SEC24C: variants seen among roughly 807,000 people sequenced by gnomAD.
The protein encoded by SEC24C is protein transport protein Sec24C.
Under a neutral mutation model 117.0 loss-of-function variants are expected in SEC24C, and 22 were observed. That is an observed-to-expected ratio of 0.19 (90% CI 0.13 to 0.27). The LOEUF is 0.27. Among genes scored for constraint, SEC24C ranks in the 10% least tolerant of loss-of-function variants. The probability of loss-of-function intolerance (pLI) is 1.00; values close to 1 mark genes in which losing one functional copy is unlikely to be tolerated. For synonymous variants in SEC24C, 506 were observed against 529.4 expected (o/e 0.96, Z 0.61); for missense variants, 1,155 against 1,375.1 (o/e 0.84, Z 2.53).
chr10:73,752,120 A>T (rs1056223463), intron 3 of SEC24C: 1 of 149,646 alleles, frequency 6.7e-6, no homozygotes, highest in Non-Finnish European at 1.5e-5. Context: ...GCTTTTTAAA[A>T]TTTTTTAATT....
Position 73,767,912 on chromosome 10 carries a change from C to G in SEC24C, c.2086C>G (p.Leu696Val). The G allele has an allele frequency of 1.2e-6, 2 of 1,613,660 alleles. No individual in the cohort carries two copies. Among genetic ancestry groups the G allele is most frequent in the Middle Eastern group, 3.4e-4 (2 of 5,964 alleles). Residue 696 changes from leucine to valine, a missense_variant, in exon 15 of 23, where the codon CTC becomes GTC. Physicochemically the swap from Leu to Val is conservative, Grantham distance 32 (BLOSUM62 1). Transcript: ENST00000345254. ...ECVAQGCCVDLFLFPNQYVDV... is the reference protein window; with the variant it reads ...ECVAQGCCVDVFLFPNQYVDV... ...TGTGGCCCAAGGCTGCTGTGTAGAT[C>G]TCTTTCTCTTCCCTAACCAGTATGT...
chr10:73,764,762 C>G (rs929839601), intron 8 of SEC24C, among the ~76,000 whole-genome samples: 2 of 152,232 alleles, frequency 1.3e-5, no homozygotes, highest in Admixed American at 6.5e-5. Context: ...ACCCCAGTAC[C>G]TGATACCAGC....
At chr10:73,763,636 TTTC>T (rs772866164) in intron 7 of SEC24C, 35 bp downstream of exon 7, 2 of 1,290,590 alleles carry the variant, frequency 1.5e-6, no homozygotes, top group Non-Finnish European at 2.2e-6. Flanking sequence ...ACAGGGGCTT[TTTC>T]TTCAAGATTA....
chr10:73,751,101 C>A lies in SEC24C; in HGVS notation c.173-7C>A, dbSNP rs751362097. On this transcript the variant is annotated splice_region_variant and splice_polypyrimidine_tract_variant and intron_variant, in intron 2 of 22. Transcript: ENST00000345254. The stretch of plus-strand genomic sequence containing the variant: ...CCAATCACTTAGTTTCTGTCCTTTA[C>A]CCTCAGGTATGTCAAGAGCCCCACC... 1 of 1,612,550 alleles carries A rather than the reference C, an allele frequency of 6.2e-7. No homozygotes were observed. The highest frequency in any genetic ancestry group is 8.5e-7 in the Non-Finnish European group (1 of 1,179,154).
Position 73,771,030 on chromosome 10 carries a change from G to T in SEC24C, c.3220G>T (p.Gly1074Trp). Residue 1074 changes from glycine to tryptophan, a missense_variant, in exon 23 of 23, where the codon GGG becomes TGG. Gly to Trp is a radical substitution (Grantham distance 184). Around this residue, in one of 2 missense-constraint regions of SEC24C, gnomAD observed 759 missense variants for 992.3 expected, o/e 0.76. Coordinates refer to ENST00000345254, the MANE Select transcript of SEC24C (RefSeq NM_198597.3). The stretch of plus-strand genomic sequence containing the variant: ...CCTGGTGGAAGACAAGAGTCTGAGT[G>T]GGGGAGCATCTTATGTGGACTTTCT... ...HFLVEDKSLS[G>W]GASYVDFLCH... 2 of 1,614,186 alleles carry T rather than the reference G, an allele frequency of 1.2e-6. No individual in the cohort carries two copies. The highest frequency in any genetic ancestry group is 1.7e-6 in the Non-Finnish European group (2 of 1,180,028).
intron 15 of SEC24C, among the ~76,000 whole-genome samples, chr10:73,768,241 G>T (rs191652932): frequency 1.7e-3 from 262 of 152,248 alleles, no homozygotes; most frequent in Non-Finnish European, 3.3e-3. Context: ...AAAATTAGTC[G>T]GGTGTGGTGG....
chr10:73,766,464 T>A lies in SEC24C; in HGVS notation c.1722T>A (p.Ser574=). The change falls in exon 12 of 23, where the codon TCT becomes TCA. Residue 574 remains serine (S), a synonymous_variant. Coordinates refer to ENST00000345254, the MANE Select transcript of SEC24C (RefSeq NM_198597.3). ...SLAQPQMMVV[S]DVADMFVPLL... ...CCCAGCCACAGATGATGGTTGTGTC[T>A]GATGTGGCTGACATGTTTGTGCCAC... is the stretch of plus-strand genomic sequence containing the variant. 6.2e-7 allele frequency: 1 copy of A among 1,614,100 alleles called. No homozygotes were observed.
intron 13 of SEC24C, 48 bp from the exon 14 acceptor site, chr10:73,767,006 G>C: frequency 6.7e-7 from 1 of 1,491,884 alleles, no homozygotes; most frequent in Non-Finnish European, 9.3e-7. Flanking sequence ...GACAAGGGAA[G>C]AGATGGATGA....
chr10:73,771,783 G>C lies in SEC24C; in HGVS notation c.*688G>C, dbSNP rs1002292892. 1.1e-4 allele frequency: 17 copies of C among 153,666 alleles called. No individual in the cohort carries two copies. The highest frequency in any genetic ancestry group is 3.8e-4 in the African/African-American group (16 of 41,586). The allele number at this position is 153,666 out of a possible 1,614,324, so 9.5% of individuals were successfully genotyped here. A position where few individuals can be genotyped will look rare whatever the true frequency, so the allele number is the denominator to read the frequency against. ...TTCCAGCTGGAGAGGCCCCAACACT[G>C]GATGGTTCTGTAGGGAGCCTAGGGA... On this transcript the variant is annotated 3_prime_UTR_variant, in exon 23 of 23. Transcript: ENST00000345254.
chr10:73,763,498 C>A lies in SEC24C; in HGVS notation c.996C>A (p.Val332=). The change falls in exon 7 of 23, where the codon GTC becomes GTA. Residue 332 remains valine, a synonymous_variant. Coordinates refer to ENST00000345254, the MANE Select transcript of SEC24C (RefSeq NM_198597.3). Reference sequence around the variant, plus strand: ...ATTGCACTTCTCTGCAGATTCAGGTCATTGAAGATGACAGGAACAACCGGG... The same window carrying A: ...ATTGCACTTCTCTGCAGATTCAGGTAATTGAAGATGACAGGAACAACCGGG... ...DPDAIPSPIQ[V]IEDDRNNRGT... is the part of the protein sequence containing the mutation. 1.2e-6 allele frequency: 2 copies of A among 1,608,890 alleles called. No homozygotes were observed. Among genetic ancestry groups the A allele is most frequent in the South Asian group, 2.2e-5 (2 of 90,958 alleles).
At chr10:73,746,782 C>T (rs769770687) in intron 1 of SEC24C, 23 bp from the exon 2 acceptor site, 2 of 1,517,188 alleles carry the variant, frequency 1.3e-6, no homozygotes, top group East Asian at 4.7e-5. Context: ...TTCATTTTGA[C>T]TAATTTCTCC....
chr10:73,765,353 C>A, intron 8 of SEC24C, 98 bp from the exon 9 acceptor site: 1 of 1,345,398 alleles, frequency 7.4e-7, no homozygotes, highest in South Asian at 1.3e-5. Context: ...AGAATATCTG[C>A]GCCATGCGCC....
chr10:73,746,843 A>G lies in SEC24C; in HGVS notation c.11A>G (p.Asn4Ser). 1 of 1,607,010 alleles carries G rather than the reference A, an allele frequency of 6.2e-7. No individual in the cohort carries two copies. ...GGGAATGCTTTCATAATGAACGTCA[A>G]CCAGTCAGTTCCACCTGTGCCACCA... MNVNQSVPPVPPFG... is the reference protein window; with the variant it reads MNVSQSVPPVPPFG... The change falls in exon 2 of 23, where the codon AAC (asparagine) becomes AGC (serine). Residue 4 changes from asparagine to serine, a missense_variant. Around this residue, in one of 2 missense-constraint regions of SEC24C, gnomAD observed 396 missense variants for 382.8 expected, o/e 1.03. Transcript: ENST00000345254.
rs572364388 is a variant in SEC24C, at chr10:73,760,348, A to C, written c.812A>C (p.His271Pro). Reference sequence around the variant, plus strand: ...CCCCTGGGACCACTGCCACCTATGCACTCCCCGCAGCAGCCAGGCTATCAG... The same window carrying C: ...CCCCTGGGACCACTGCCACCTATGCCCTCCCCGCAGCAGCCAGGCTATCAG... ...TGPLGPLPPMHSPQQPGYQPQ... is the reference protein window; with the variant it reads ...TGPLGPLPPMPSPQQPGYQPQ... Residue 271 changes from histidine (H) to proline (P), a missense_variant, in exon 5 of 23, where the codon CAC becomes CCC. Transcript: ENST00000345254. 3.1e-6 allele frequency: 5 copies of C among 1,606,898 alleles called. No homozygotes were observed. The East Asian group carries it at 8.9e-5, about 29-fold the overall frequency.
At chr10:73,770,835 C>G (rs746220780) in intron 22 of SEC24C, 37 bp downstream of exon 22, 2 of 1,611,664 alleles carry the variant, frequency 1.2e-6, no homozygotes. Flanking sequence ...CTTACCTTGT[C>G]AAGTCCTCAC....
intron 7 of SEC24C, 79 bp from the exon 8 acceptor site, chr10:73,763,777 A>ATGG: frequency 7.3e-7 from 1 of 1,378,040 alleles, no homozygotes; most frequent in Middle Eastern, 2.0e-4. Flanking sequence ...TGTGGAGTTG[A>ATGG]TGGTGTGGAT....
At chr10:73,763,667 CTTTTTTTTTTTTTTTTTTTT>C in intron 7 of SEC24C, 66 bp downstream of exon 7, 10 of 56,928 alleles carry the variant, frequency 1.8e-4, no homozygotes, top group African/African-American at 5.4e-4. Context: ...ATGGTTGGGG[CTTTTTTTTTTTTTTTTTTTT>C]TTTTTTTTTT....
intron 3 of SEC24C, among the ~76,000 whole-genome samples, chr10:73,755,976 C>G (rs1054360640): frequency 1.3e-5 from 2 of 151,942 alleles, no homozygotes; most frequent in South Asian, 4.2e-4. Context: ...CTCAGCCTCC[C>G]AAGTAGCTGG....
intron 1 of SEC24C, among the ~76,000 whole-genome samples, chr10:73,744,819 G>A (rs2082520585): frequency 6.6e-6 from 1 of 152,010 alleles, no homozygotes; most frequent in Admixed American, 6.6e-5. Context: ...CCGCCCCCTT[G>A]GGTTGTCACC....
Sources: gnomAD v4.1 joint callset for allele counts (sites outside exome capture counted in the v4.1 genomes callset) on GRCh38, gnomAD v4.1.1 for gene constraint, gnomAD v4.1.1 regional missense constraint, MANE v1.5 for transcripts, NCBI Gene and HGNC (gene_info 2026-07-23, HGNC 2026-07-21) for gene names.